ZCCHC7: variants seen among roughly 807,000 people sequenced by gnomAD.
ZCCHC7 encodes the protein zinc finger CCHC-type containing 7.
ZCCHC7 carries 35 observed loss-of-function variants against 52.0 expected under a neutral mutation model. The observed-to-expected ratio is 0.67, with a 90% CI of 0.51 to 0.89. The LOEUF is 0.89. Ranked by LOEUF, ZCCHC7 falls within the 40% of genes least tolerant of loss-of-function variation. The probability of loss-of-function intolerance (pLI) is 0.00; values close to 1 mark genes in which losing one functional copy is unlikely to be tolerated. For synonymous variants in ZCCHC7, 217 were observed against 221.5 expected (o/e 0.98, Z 0.18); for missense variants, 574 against 649.1 (o/e 0.88, Z 1.26).
At chr9:37,183,891 C>T (rs559331610) in intron 2 of ZCCHC7, among the ~76,000 whole-genome samples, 7 of 152,310 alleles carry the variant, frequency 4.6e-5, no homozygotes, top group African/African-American at 1.4e-4. Flanking sequence ...AATGCTATTC[C>T]GCCCTCTACC....
At chr9:37,200,235 A>G (rs1823563448) in intron 2 of ZCCHC7, among the ~76,000 whole-genome samples, 1 of 148,818 alleles carries the variant, frequency 6.7e-6, no homozygotes, top group Admixed American at 6.7e-5. Flanking sequence ...TTATCTTTCA[A>G]CTCTCCTCCT....
rs554261074 is a variant in ZCCHC7, at chr9:37,131,723, G to A, written c.610+4781G>A. Among the ~76,000 whole-genome samples, 4 of 152,286 alleles carry A rather than the reference G, an allele frequency of 2.6e-5. 1 individual carries two copies. Among genetic ancestry groups the A allele is most frequent in the African/African-American group, 9.6e-5 (4 of 41,558 alleles). ...TGACAGTTAATACCACAACTCAGAG[G>A]CATTTTTTTTTCCTTTCTATTCTTC... On this transcript the variant is annotated intron_variant, in intron 2 of 8. Transcript: ENST00000336755.
In ZCCHC7 at chr9:37,270,807, T is replaced by TA. The variant is rs200470962; in HGVS notation, c.611-31369dup. On this transcript the variant is annotated intron_variant, in intron 2 of 8. Coordinates refer to ENST00000336755, the MANE Select transcript of ZCCHC7 (RefSeq NM_032226.3). ...CATTGAAAGTAGTTTCCAGCAATAA[T>TA]AAAAAAAAAAAATAGTAGTAGAAGA... is the stretch of plus-strand genomic sequence containing the variant. 5.9e-3 allele frequency among the ~76,000 whole-genome samples: 876 copies of TA among 149,602 alleles called. 7 individuals carry two copies. The highest frequency in any genetic ancestry group is 0.02 in the African/African-American group (818 of 40,812).
At chr9:37,221,874 T>G (rs1300033395) in intron 2 of ZCCHC7, among the ~76,000 whole-genome samples, 2 of 152,274 alleles carry the variant, frequency 1.3e-5, no homozygotes, top group Middle Eastern at 3.4e-3. Context: ...CAGTAGTTAT[T>G]CATTTACTCA....
intron 2 of ZCCHC7, among the ~76,000 whole-genome samples, chr9:37,207,497 G>GTT (rs3074709): frequency 1.3e-4 from 12 of 94,096 alleles, no homozygotes; most frequent in South Asian, 3.6e-4. Context: ...TTTCTCCAGA[G>GTT]TTTTTTTTTT....
intron 4 of ZCCHC7, among the ~76,000 whole-genome samples, chr9:37,304,646 ACT>A (rs1829216185): frequency 6.8e-6 from 1 of 148,088 alleles, no homozygotes; most frequent in African/African-American, 2.6e-5. Flanking sequence ...ACAAAGTGAA[ACT>A]CTGTCTCAGA....
chr9:37,176,602 ACAT>A (rs1822044555), intron 2 of ZCCHC7, among the ~76,000 whole-genome samples: 4 of 151,832 alleles, frequency 2.6e-5, no homozygotes, highest in Non-Finnish European at 5.9e-5. Context: ...ATGGAAGCAT[ACAT>A]CATATATTAA....
At chr9:37,208,028 C>T (rs1160360177) in intron 2 of ZCCHC7, among the ~76,000 whole-genome samples, 1 of 152,132 alleles carries the variant, frequency 6.6e-6, no homozygotes, top group African/African-American at 2.4e-5. Flanking sequence ...GTGTTCACAT[C>T]AGTTTTTTAA....
intron 7 of ZCCHC7, among the ~76,000 whole-genome samples, chr9:37,349,810 C>T (rs1246126512): frequency 6.6e-6 from 1 of 151,930 alleles, no homozygotes; most frequent in African/African-American, 2.4e-5. Flanking sequence ...TTTTTTGAGA[C>T]GGAGTCTTGC....
chr9:37,230,047 C>T (rs1825321627), intron 2 of ZCCHC7, among the ~76,000 whole-genome samples: 1 of 152,170 alleles, frequency 6.6e-6, no homozygotes, highest in East Asian at 1.9e-4. Flanking sequence ...AAATCTTGTC[C>T]TCTGGAAGGT....
At position 37,306,762 on chromosome 9, in the gene ZCCHC7, CTTTTTTTTTTTT is replaced by C. The variant is rs869292704; in HGVS notation, c.951+1079_951+1090del. Reference sequence around the variant, plus strand: ...ACAGGCATGAGCCACTGTACCCGACCTTTTTTTTTTTTTTTTTTTTTTTTTTTTTTTTTTTTT... The same window carrying C: ...ACAGGCATGAGCCACTGTACCCGACCTTTTTTTTTTTTTTTTTTTTTTTTT... On this transcript the variant is annotated intron_variant, in intron 5 of 8. Transcript: ENST00000336755. Among the ~76,000 whole-genome samples the C allele has an allele frequency of 1.6e-3, 82 of 52,020 alleles. 1 individual carries two copies. Among genetic ancestry groups the C allele is most frequent in the African/African-American group, 4.4e-3 (62 of 14,004 alleles). 34.1% of individuals were successfully genotyped at this position (52,020 alleles called of 152,430 possible). A position where few individuals can be genotyped will look rare whatever the true frequency, so the allele number is the denominator to read the frequency against.
chr9:37,186,686 A>C, intron 2 of ZCCHC7: 1 of 591,982 alleles, frequency 1.7e-6, no homozygotes, highest in Non-Finnish European at 3.2e-6. Flanking sequence ...ATATTTACAG[A>C]TTCAAATATT....
At chr9:37,197,840 A>G (rs2133138426) in intron 2 of ZCCHC7, among the ~76,000 whole-genome samples, 1 of 152,352 alleles carries the variant, frequency 6.6e-6, no homozygotes, top group African/African-American at 2.4e-5. Context: ...TAGCAGCCAA[A>G]TATTCTGAAG....
chr9:37,229,232 T>C (rs1160898763), intron 2 of ZCCHC7, among the ~76,000 whole-genome samples: 1 of 151,648 alleles, frequency 6.6e-6, no homozygotes, highest in Admixed American at 6.6e-5. Context: ...AACAGGGGAG[T>C]AGTTAATTCA....
At chr9:37,175,289 G>A (rs948877969) in intron 2 of ZCCHC7, among the ~76,000 whole-genome samples, 1 of 151,898 alleles carries the variant, frequency 6.6e-6, no homozygotes, top group African/African-American at 2.4e-5. Flanking sequence ...AAACCGTATC[G>A]CAGAATAGCA....
intron 2 of ZCCHC7, among the ~76,000 whole-genome samples, chr9:37,187,531 C>T (rs1822729006): frequency 1.3e-5 from 2 of 152,184 alleles, no homozygotes; most frequent in African/African-American, 2.4e-5. Flanking sequence ...GATTGTTCCC[C>T]AGAGTTTGGG....
intron 2 of ZCCHC7, among the ~76,000 whole-genome samples, chr9:37,156,454 T>C (rs1820820231): frequency 6.6e-6 from 1 of 152,224 alleles, no homozygotes; most frequent in African/African-American, 2.4e-5. Context: ...CAGCATATAA[T>C]AGAGTGCCCT....
At chr9:37,175,672 C>A (rs1170528845) in intron 2 of ZCCHC7, among the ~76,000 whole-genome samples, 1 of 152,158 alleles carries the variant, frequency 6.6e-6, no homozygotes, top group Non-Finnish European at 1.5e-5. Flanking sequence ...CCCGAGGAGG[C>A]TGACGCTGCA....
At chr9:37,336,749 A>G (rs2118378283) in intron 6 of ZCCHC7, among the ~76,000 whole-genome samples, 1 of 152,274 alleles carries the variant, frequency 6.6e-6, no homozygotes, top group Admixed American at 6.5e-5. Context: ...GTCTAGCCCA[A>G]TAAACATTCA....
Sources: allele counts gnomAD v4.1 joint callset (sites outside exome capture counted in the v4.1 genomes callset), GRCh38; gene constraint gnomAD v4.1.1; transcripts MANE v1.5; gene names NCBI Gene and HGNC (gene_info 2026-07-23, HGNC 2026-07-21).